RERE: variants seen among roughly 807,000 people sequenced by gnomAD.
The protein encoded by RERE is arginine-glutamic acid dipeptide repeats protein.
A neutral mutation model predicts 146.1 loss-of-function variants in RERE; 40 were observed. The observed-to-expected ratio is 0.27, with a 90% CI of 0.21 to 0.36. RERE has a LOEUF of 0.36. Among genes scored for constraint, RERE ranks in the 10% least tolerant of loss-of-function variants. The pLI is 1.00. For missense variants in RERE, 1,933 were observed against 2,138.7 expected (o/e 0.90, Z 1.90); for synonymous variants, 1,003 against 866.0 (o/e 1.16, Z -2.78).
At chr1:8,815,116 A>T (rs1569852981) in intron 1 of RERE, among the ~76,000 whole-genome samples, 1 of 152,060 alleles carries the variant, frequency 6.6e-6, no homozygotes, top group Non-Finnish European at 1.5e-5. Context: ...ATTCACACCA[A>T]CCTCCATCCT....
intron 1 of RERE, among the ~76,000 whole-genome samples, chr1:8,800,319 G>A (rs1641563519): frequency 6.6e-6 from 1 of 151,118 alleles, no homozygotes; most frequent in East Asian, 1.9e-4. Context: ...TCTTTAAAGA[G>A]TAAATTTTAT....
intron 11 of RERE, among the ~76,000 whole-genome samples, chr1:8,447,123 G>GT (rs559225761): frequency 8.6e-4 from 124 of 143,406 alleles, no homozygotes; most frequent in South Asian, 3.2e-3. Context: ...TTCTCCTGCT[G>GT]TTTTTTTTTT....
In RERE at chr1:8,354,791, A is replaced by G. The variant is rs944932356; in HGVS notation, c.*296T>C. 1 of 415,902 alleles carries G rather than the reference A, an allele frequency of 2.4e-6. No homozygotes were observed. The highest frequency in any genetic ancestry group is 2.1e-5 in the African/African-American group (1 of 48,170). 25.8% of individuals were successfully genotyped at this position (415,902 alleles called of 1,614,324 possible). On this transcript the variant is annotated 3_prime_UTR_variant, in exon 23 of 23. Coordinates refer to ENST00000400908, the MANE Select transcript of RERE (RefSeq NM_001042681.2). The stretch of plus-strand genomic sequence containing the variant: ...CACCTACTGAGAAATCAAGGAAAAG[A>G]AAACTAAAGCCAAACCCCAAGATTG...
chr1:8,498,730 T>TACACACACACAC (rs1357066114), intron 8 of RERE, among the ~76,000 whole-genome samples: 268 of 11,804 alleles, frequency 0.023, 5 homozygotes, highest in East Asian at 0.079. Flanking sequence ...AAAATAAATA[T>TACACACACACAC]ATACACACAC....
intron 11 of RERE, among the ~76,000 whole-genome samples, chr1:8,426,247 G>A (rs911585366): frequency 6.6e-6 from 1 of 152,216 alleles, no homozygotes; most frequent in Admixed American, 6.5e-5. Flanking sequence ...AAGGCCAGGA[G>A]ATCGAGACCA....
At position 8,638,955 on chromosome 1, in the gene RERE, A is replaced by T. The variant is rs142803253; in HGVS notation, c.326-14575T>A. Among the ~76,000 whole-genome samples, 901 of 152,068 alleles carry T rather than the reference A, an allele frequency of 5.9e-3. 7 individuals carry two copies. Among genetic ancestry groups the T allele is most frequent in the African/African-American group, 0.021 (875 of 41,478 alleles). On this transcript the variant is annotated intron_variant, in intron 2 of 22. Transcript: ENST00000400908. ...CGCCCGGCTAATTGTTTGCATTTTT[A>T]GTAGAGACAGGGTTTCACCATGTTG... is the stretch of plus-strand genomic sequence containing the variant.
intron 11 of RERE, among the ~76,000 whole-genome samples, chr1:8,455,457 A>T (rs947571694): frequency 2.6e-5 from 4 of 152,116 alleles, no homozygotes; most frequent in Non-Finnish European, 5.9e-5. Context: ...AACCACACGT[A>T]TCATCAGTAC....
chr1:8,586,520 A>G (rs1433966692), intron 4 of RERE, among the ~76,000 whole-genome samples: 1 of 152,206 alleles, frequency 6.6e-6, no homozygotes, highest in African/African-American at 2.4e-5. Flanking sequence ...GCTCACCTGT[A>G]TTCTGCTTAG....
At chr1:8,694,407 T>C (rs1284390209) in intron 1 of RERE, among the ~76,000 whole-genome samples, 2 of 152,110 alleles carry the variant, frequency 1.3e-5, no homozygotes, top group Non-Finnish European at 2.9e-5. Flanking sequence ...TAACTAGGAA[T>C]ACACCTAACC....
At chr1:8,694,308 C>T (rs537120234) in intron 1 of RERE, among the ~76,000 whole-genome samples, 4 of 152,278 alleles carry the variant, frequency 2.6e-5, no homozygotes, top group East Asian at 3.9e-4. Context: ...ATGTACAAAA[C>T]TCAGCAGTAT....
intron 1 of RERE, among the ~76,000 whole-genome samples, chr1:8,710,095 C>T (rs1639636883): frequency 6.6e-6 from 1 of 152,212 alleles, no homozygotes; most frequent in Non-Finnish European, 1.5e-5. Context: ...AAGATCCACT[C>T]TCAAGCTGTT....
chr1:8,577,831 A>G (rs1646315270), intron 4 of RERE, among the ~76,000 whole-genome samples: 1 of 152,200 alleles, frequency 6.6e-6, no homozygotes, highest in Non-Finnish European at 1.5e-5. Context: ...GCAGTGGCTC[A>G]TGCCTTTAAT....
chr1:8,617,160 T>G (rs1646862400), intron 3 of RERE, among the ~76,000 whole-genome samples: 1 of 151,528 alleles, frequency 6.6e-6, no homozygotes, highest in Non-Finnish European at 1.5e-5. Context: ...CTGGCCAATG[T>G]AGTGAAACCC....
intron 1 of RERE, among the ~76,000 whole-genome samples, chr1:8,761,469 T>C (rs1160764946): frequency 6.6e-6 from 1 of 152,206 alleles, no homozygotes; most frequent in African/African-American, 2.4e-5. Context: ...TCCCAATTTT[T>C]TAATGGCACA....
At chr1:8,573,196 T>C (rs1646243511) in intron 4 of RERE, among the ~76,000 whole-genome samples, 1 of 152,196 alleles carries the variant, frequency 6.6e-6, no homozygotes, top group African/African-American at 2.4e-5. Flanking sequence ...CAGAACCATC[T>C]GTACCAAACA....
In RERE at chr1:8,361,030, A is replaced by AGTGGGGGATGTG; in HGVS notation, c.2476_2477insCACATCCCCCAC (p.Pro822_Pro825dup). Reference sequence around the variant, plus strand: ...GCCCGCCGACCCAGTCAGAGGCTGCAGCGGGGGATGTGGCGAGGGATGCGG... The same window carrying AGTGGGGGATGTG: ...GCCCGCCGACCCAGTCAGAGGCTGCAGTGGGGGATGTGGCGGGGGATGTGGCGAGGGATGCGG... On this transcript the variant is annotated inframe_insertion, in exon 18 of 23. Transcript: ENST00000400908. The AGTGGGGGATGTG allele has an allele frequency of 7.0e-7, 1 of 1,430,656 alleles. No individual in the cohort carries two copies. The highest frequency in any genetic ancestry group is 2.6e-5 in the East Asian group (1 of 38,830). 88.6% of individuals were successfully genotyped at this position (1,430,656 alleles called of 1,614,324 possible).
chr1:8,447,394 C>A (rs993435865), intron 11 of RERE, among the ~76,000 whole-genome samples: 11 of 152,096 alleles, frequency 7.2e-5, no homozygotes, highest in Non-Finnish European at 1.3e-4. Context: ...TTGGAATTTT[C>A]AGACTTTTTG....
intron 7 of RERE, among the ~76,000 whole-genome samples, chr1:8,531,012 TCTATCTA>T (rs1557675017): frequency 3.7e-3 from 98 of 26,494 alleles, no homozygotes; most frequent in South Asian, 0.012. Context: ...GAGTTTTCTA[TCTATCTA>T]TCTATCTATC....
At chr1:8,418,302 A>T (rs1381262109) in intron 12 of RERE, among the ~76,000 whole-genome samples, 1 of 152,258 alleles carries the variant, frequency 6.6e-6, no homozygotes, top group East Asian at 1.9e-4. Flanking sequence ...ACACAAGCTT[A>T]ATCTTCACTG....
Sources: gnomAD v4.1 joint callset for allele counts (sites outside exome capture counted in the v4.1 genomes callset) on GRCh38, gnomAD v4.1.1 for gene constraint, MANE v1.5 for transcripts, NCBI Gene and HGNC (gene_info 2026-07-23, HGNC 2026-07-21) for gene names.